ALKBH5: variants seen among roughly 807,000 people sequenced by gnomAD.
The protein encoded by ALKBH5 is RNA demethylase ALKBH5.
ALKBH5 carries 2 observed loss-of-function variants against 32.1 expected under a neutral mutation model. The observed-to-expected ratio is 0.06, with a 90% confidence interval of 0.03 to 0.20. The LOEUF is 0.20. ALKBH5 is among the 10% of genes least tolerant of loss of function. The pLI is 1.00. For missense variants in ALKBH5, 352 were observed against 559.5 expected (o/e 0.63, Z 3.74); for synonymous variants, 300 against 231.7 (o/e 1.29, Z -2.68).
intron 2 of ALKBH5, among the ~76,000 whole-genome samples, chr17:18,204,242 G>A (rs1336968953): frequency 1.3e-5 from 2 of 151,734 alleles, no homozygotes; most frequent in Admixed American, 6.6e-5. Context: ...ACCTGAGGTC[G>A]GGAGTTCAAG....
chr17:18,184,175 C>T lies in ALKBH5; in HGVS notation c.-69C>T, dbSNP rs1401785332. The T allele has an allele frequency of 1.5e-6, 2 of 1,342,044 alleles. No homozygotes were observed. The highest frequency in any genetic ancestry group is 2.0e-6 in the Non-Finnish European group (2 of 1,007,626). 83.1% of individuals were successfully genotyped at this position (1,342,044 alleles called of 1,614,324 possible). On this transcript the variant is annotated 5_prime_UTR_variant, in exon 1 of 4. Transcript: ENST00000399138. ...CCCTCCCTCCGGGGGCCCCGGGGCGCGTCCCCTTAGAGCCATGCCCGGCTG... is the reference window on the plus strand; with the variant it reads ...CCCTCCCTCCGGGGGCCCCGGGGCGTGTCCCCTTAGAGCCATGCCCGGCTG...
chr17:18,198,570 C>T (rs1225266603), intron 2 of ALKBH5, among the ~76,000 whole-genome samples: 1 of 152,154 alleles, frequency 6.6e-6, no homozygotes, highest in Non-Finnish European at 1.5e-5. Flanking sequence ...GGCATTGAGC[C>T]TGGCCCTGAT....
intron 1 of ALKBH5, among the ~76,000 whole-genome samples, chr17:18,188,654 G>GGCTGCCCTTGCTGCT (rs1423130947): frequency 2.0e-5 from 3 of 152,218 alleles, no homozygotes; most frequent in African/African-American, 7.2e-5. Context: ...CAGGGGGGTT[G>GGCTGCCCTTGCTGCT]GCTGCCCTTG....
At chr17:18,207,504 A>G (rs934662252) in intron 3 of ALKBH5, among the ~76,000 whole-genome samples, 12 of 152,248 alleles carry the variant, frequency 7.9e-5, no homozygotes, top group Non-Finnish European at 1.5e-4. Flanking sequence ...CTACTAAAAA[A>G]TACAAAAAAT....
At chr17:18,198,207 A>C (rs1022482682) in intron 2 of ALKBH5, among the ~76,000 whole-genome samples, 2 of 152,220 alleles carry the variant, frequency 1.3e-5, no homozygotes, top group Non-Finnish European at 2.9e-5. Flanking sequence ...TTCAGCACAC[A>C]TGCAGACACA....
intron 1 of ALKBH5, among the ~76,000 whole-genome samples, chr17:18,188,458 C>A (rs2047153248): frequency 6.6e-6 from 1 of 152,226 alleles, no homozygotes; most frequent in Non-Finnish European, 1.5e-5. Context: ...CCTGTCAGTT[C>A]TGGGATAGTC....
rs1276299584 is a variant in ALKBH5, at chr17:18,184,167, C to T, written c.-77C>T. Reference sequence around the variant, plus strand: ...AAGGACCCCCCTCCCTCCGGGGGCCCCGGGGCGCGTCCCCTTAGAGCCATG... The same window carrying T: ...AAGGACCCCCCTCCCTCCGGGGGCCTCGGGGCGCGTCCCCTTAGAGCCATG... On this transcript the variant is annotated 5_prime_UTR_variant, in exon 1 of 4. Transcript: ENST00000399138. 1.5e-6 allele frequency: 2 copies of T among 1,320,752 alleles called. No individual in the cohort carries two copies. The highest frequency in any genetic ancestry group is 3.1e-5 in the African/African-American group (2 of 64,570). The allele number at this position is 1,320,752 out of a possible 1,614,324, so 81.8% of individuals were successfully genotyped here.
intron 2 of ALKBH5, among the ~76,000 whole-genome samples, chr17:18,201,840 ATAGATAGATTGATT>A (rs371262942): frequency 0.17 from 17,921 of 106,370 alleles, 1,243 homozygotes; most frequent in Middle Eastern, 0.2. Flanking sequence ...TAGATAGATG[ATAGATAGATTGATT>A]GATTGATTTA....
intron 2 of ALKBH5, among the ~76,000 whole-genome samples, chr17:18,197,360 T>C (rs760198782): frequency 7.9e-5 from 12 of 152,242 alleles, no homozygotes; most frequent in Non-Finnish European, 1.5e-4. Context: ...GTCCAGAGTG[T>C]AGCACTCTTC....
At chr17:18,201,070 A>T (rs2047233945) in intron 2 of ALKBH5, among the ~76,000 whole-genome samples, 1 of 152,210 alleles carries the variant, frequency 6.6e-6, no homozygotes, top group African/African-American at 2.4e-5. Flanking sequence ...TGTGAGGCTG[A>T]GTGGATGGAT....
rs1159136004 is a variant in ALKBH5 at position 18,208,494 on chromosome 17, G to GT, written c.*104dup. On this transcript the variant is annotated 3_prime_UTR_variant, in exon 4 of 4. Coordinates refer to ENST00000399138, the MANE Select transcript of ALKBH5 (RefSeq NM_017758.4). ...TGTTTTTGTTCATTGGGGGGTTTTT[G>GT]TTTTTTGTTTTTTGTTTTTTTTGAT... 1 of 512,880 alleles carries GT rather than the reference G, an allele frequency of 1.9e-6. No homozygotes were observed. Among genetic ancestry groups the GT allele is most frequent in the Non-Finnish European group, 3.1e-6 (1 of 322,276 alleles). The allele number at this position is 512,880 out of a possible 1,614,324, so 31.8% of individuals were successfully genotyped here. A position where few individuals can be genotyped will look rare whatever the true frequency, so the allele number is the denominator to read the frequency against.
intron 2 of ALKBH5, among the ~76,000 whole-genome samples, chr17:18,201,770 G>C (rs2047237675): frequency 7.3e-6 from 1 of 136,186 alleles, no homozygotes; most frequent in Non-Finnish European, 1.6e-5. Flanking sequence ...TAGATAGATA[G>C]ATAGATAGAT....
chr17:18,198,767 C>T (rs1348416359), intron 2 of ALKBH5, among the ~76,000 whole-genome samples: 1 of 152,202 alleles, frequency 6.6e-6, no homozygotes, highest in South Asian at 2.1e-4. Flanking sequence ...TTGGACAGAA[C>T]GCAGCTTCTG....
chr17:18,193,119 A>T (rs146996658), intron 1 of ALKBH5, among the ~76,000 whole-genome samples: 1 of 151,794 alleles, frequency 6.6e-6, no homozygotes, highest in Non-Finnish European at 1.5e-5. Flanking sequence ...TGGCCTCCCA[A>T]AGTGCTGGGT....
intron 2 of ALKBH5, among the ~76,000 whole-genome samples, chr17:18,203,974 C>A (rs1000091629): frequency 6.6e-6 from 1 of 152,186 alleles, no homozygotes; most frequent in Non-Finnish European, 1.5e-5. Context: ...CACACAGGGG[C>A]CTTCCTTCCC....
At chr17:18,207,641 C>T (rs1046836211) in intron 3 of ALKBH5, among the ~76,000 whole-genome samples, 14 of 150,052 alleles carry the variant, frequency 9.3e-5, no homozygotes, top group South Asian at 4.2e-4. Flanking sequence ...CCAGCCTGTG[C>T]GACAGAGCAA....
intron 1 of ALKBH5, among the ~76,000 whole-genome samples, chr17:18,187,554 C>T (rs1186528122): frequency 6.6e-6 from 1 of 152,184 alleles, no homozygotes; most frequent in African/African-American, 2.4e-5. Flanking sequence ...CCAGACACTG[C>T]CAAATGCCGA....
chr17:18,199,146 A>G (rs1296039621), intron 2 of ALKBH5, among the ~76,000 whole-genome samples: 1 of 152,194 alleles, frequency 6.6e-6, no homozygotes, highest in East Asian at 1.9e-4. Flanking sequence ...GGGGCACTCT[A>G]CAGAGAGTGG....
chr17:18,184,333 C>CGCCGCCGCT lies in ALKBH5; in HGVS notation c.96_104dup (p.Ala35_Ala37dup). ...ACTATAAGGCGGGCAGCCGGGAGGC[C>CGCCGCCGCT]GCCGCCGCTGCCGCAGCCGCCGTAG... On this transcript the variant is annotated inframe_insertion, in exon 1 of 4. Coordinates refer to ENST00000399138, the MANE Select transcript of ALKBH5 (RefSeq NM_017758.4). 1 of 1,511,584 alleles carries CGCCGCCGCT rather than the reference C, an allele frequency of 6.6e-7. No homozygotes were observed. The allele number at this position is 1,511,584 out of a possible 1,614,324, so 93.6% of individuals were successfully genotyped here. A position where few individuals can be genotyped will look rare whatever the true frequency, so the allele number is the denominator to read the frequency against.
Sources: allele counts gnomAD v4.1 joint callset (sites outside exome capture counted in the v4.1 genomes callset), GRCh38; gene constraint gnomAD v4.1.1; transcripts MANE v1.5; gene names NCBI Gene and HGNC (gene_info 2026-07-23, HGNC 2026-07-21).